Variants in PEX3 observed in about 807,000 individuals in gnomAD.
PEX3 encodes peroxisomal biogenesis factor 3.
A neutral mutation model predicts 55.8 loss-of-function variants in PEX3; 30 were observed. The observed-to-expected ratio is 0.54, with a 90% CI of 0.40 to 0.73. The LOEUF (loss-of-function observed/expected upper bound fraction) is 0.73, where lower values mean the gene tolerates loss of function less well. Ranked by LOEUF, PEX3 falls within the 30% of genes least tolerant of loss-of-function variation. PEX3 has a pLI of 0.00. For missense variants in PEX3, 351 were observed against 432.8 expected (o/e 0.81, Z 1.68); for synonymous variants, 135 against 148.4 (o/e 0.91, Z 0.66).
chr6:143,460,085 C>T (rs976109377), intron 2 of PEX3, among the ~76,000 whole-genome samples: 3 of 152,192 alleles, frequency 2.0e-5, no homozygotes, highest in Non-Finnish European at 2.9e-5. Context: ...ATTTCTCTAA[C>T]ATTCTTTCAA....
intron 9 of PEX3, among the ~76,000 whole-genome samples, chr6:143,477,255 CAGG>C (rs1780166085): frequency 6.6e-6 from 1 of 152,080 alleles, no homozygotes; most frequent in African/African-American, 2.4e-5. Context: ...ATGTGGGAGC[CAGG>C]AGATTTTGAC....
chr6:143,486,174 A>C lies in PEX3; in HGVS notation c.1038+926A>C, dbSNP rs1440507907. On this transcript the variant is annotated intron_variant, in intron 11 of 11. Coordinates refer to ENST00000367591, the MANE Select transcript of PEX3 (RefSeq NM_003630.3). The surrounding 1 kb of genome is among the most constrained non-coding windows in gnomAD (Gnocchi z 5.0). ...TCTTCTGTCCTCTTTCTCACCCCTA[A>C]GAGCTTGGCACTCATATTGCAGAAG... is the stretch of plus-strand genomic sequence containing the variant. 6.6e-6 allele frequency among the ~76,000 whole-genome samples: 1 copy of C among 152,130 alleles called. No individual in the cohort carries two copies. Among genetic ancestry groups the C allele is most frequent in the Non-Finnish European group, 1.5e-5 (1 of 67,996 alleles).
intron 4 of PEX3, 31 bp from the exon 5 acceptor site, chr6:143,470,930 A>G: frequency 1.3e-6 from 2 of 1,595,230 alleles, no homozygotes; most frequent in Non-Finnish European, 1.7e-6. Context: ...TATTAATCAC[A>G]GTACCAAATG....
intron 4 of PEX3, among the ~76,000 whole-genome samples, chr6:143,468,411 T>C (rs1471894038): frequency 6.6e-6 from 1 of 152,216 alleles, no homozygotes; most frequent in African/African-American, 2.4e-5. Context: ...TACATATGCC[T>C]TTATTAGGTA....
In PEX3 at chr6:143,451,028, C is replaced by T. The variant is rs932254986; in HGVS notation, c.-15C>T. The stretch of plus-strand genomic sequence containing the variant: ...TCCCTCACCCCTAGTCAGCCCACAC[C>T]CCTAGGGCCTAAAGATGCTGAGGTC... On this transcript the variant is annotated 5_prime_UTR_variant, in exon 1 of 12. Transcript: ENST00000367591. This position sits in a 1 kb window ranked among gnomAD's most constrained non-coding sequence, Gnocchi z 4.1. The T allele has an allele frequency of 2.5e-6, 4 of 1,597,774 alleles. No individual in the cohort carries two copies. The African/African-American group carries it at 4.0e-5, about 16-fold the overall frequency.
In PEX3 at chr6:143,455,171, A is replaced by ATTTTCTTTTCTTTTC. The variant is rs58331398; in HGVS notation, c.74-3889_74-3875dup. Among the ~76,000 whole-genome samples, 1,228 of 143,962 alleles carry ATTTTCTTTTCTTTTC rather than the reference A, an allele frequency of 8.5e-3. 35 individuals are homozygous for ATTTTCTTTTCTTTTC. Among genetic ancestry groups the ATTTTCTTTTCTTTTC allele is most frequent in the African/African-American group, 0.029 (1,082 of 37,294 alleles). The allele number at this position is 143,962 out of a possible 152,430, so 94.4% of individuals were successfully genotyped here. On this transcript the variant is annotated intron_variant, in intron 1 of 11. Coordinates refer to ENST00000367591, the MANE Select transcript of PEX3 (RefSeq NM_003630.3). ...CATGCAAGATAAGACATTTGGGGGTATTTTCTTTTCTTTTCTTTTCTTTTC... is the reference window on the plus strand; with the variant it reads ...CATGCAAGATAAGACATTTGGGGGTATTTTCTTTTCTTTTCTTTTCTTTTCTTTTCTTTTCTTTTC...
chr6:143,472,529 A>G (rs1780088508), intron 8 of PEX3, among the ~76,000 whole-genome samples: 1 of 152,138 alleles, frequency 6.6e-6, no homozygotes, highest in Non-Finnish European at 1.5e-5. Context: ...AATTTTAGAT[A>G]TTCAGTACAT....
rs1318254602 is a variant in PEX3 at position 143,453,475 on chromosome 6, G to A, written c.73+2360G>A. On this transcript the variant is annotated intron_variant, in intron 1 of 11. Coordinates refer to ENST00000367591, the MANE Select transcript of PEX3 (RefSeq NM_003630.3). This position sits in a 1 kb window ranked among gnomAD's most constrained non-coding sequence, Gnocchi z 4.6. The stretch of plus-strand genomic sequence containing the variant: ...TTGTATAATTTGACCAGTTTGGGGG[G>A]TTTGGGTGTGTTCGGGTTTTGTGTT... Among the ~76,000 whole-genome samples, 2 of 151,926 alleles carry A rather than the reference G, an allele frequency of 1.3e-5. No individual in the cohort carries two copies. The highest frequency in any genetic ancestry group is 2.4e-5 in the African/African-American group (1 of 41,364).
chr6:143,462,865 G>C lies in PEX3; in HGVS notation c.206-51G>C, dbSNP rs780437542. On this transcript the variant is annotated intron_variant, in intron 2 of 11. Transcript: ENST00000367591. This position sits in a 1 kb window ranked among gnomAD's most constrained non-coding sequence, Gnocchi z 4.1. ...TAAAACAATGCGCATTTCTTAGTGAGGGCAGTCATATCACTTGTGACCTTT... is the reference window on the plus strand; with the variant it reads ...TAAAACAATGCGCATTTCTTAGTGACGGCAGTCATATCACTTGTGACCTTT... 7.5e-7 allele frequency: 1 copy of C among 1,331,584 alleles called. No individual in the cohort carries two copies. Among genetic ancestry groups the C allele is most frequent in the East Asian group, 2.3e-5 (1 of 43,490 alleles). 82.5% of individuals were successfully genotyped at this position (1,331,584 alleles called of 1,614,324 possible). A position where few individuals can be genotyped will look rare whatever the true frequency, so the allele number is the denominator to read the frequency against.
At position 143,459,263 on chromosome 6, in the gene PEX3, G is replaced by A. The variant is rs910613604; in HGVS notation, c.205+47G>A. 3.3e-6 allele frequency: 5 copies of A among 1,533,602 alleles called. No homozygotes were observed. The highest frequency in any genetic ancestry group is 1.1e-5 in the South Asian group (1 of 89,000). The allele number at this position is 1,533,602 out of a possible 1,614,324, so 95.0% of individuals were successfully genotyped here. A position where few individuals can be genotyped will look rare whatever the true frequency, so the allele number is the denominator to read the frequency against. ...ACATGTGTAAAGTTGTTTGACGGTT[G>A]TATTAATTTGCATATCACCGGGATC... On this transcript the variant is annotated intron_variant, in intron 2 of 11. Coordinates refer to ENST00000367591, the MANE Select transcript of PEX3 (RefSeq NM_003630.3). The surrounding 1 kb of genome is among the most constrained non-coding windows in gnomAD (Gnocchi z 4.2).
In PEX3 at chr6:143,486,018, G is replaced by A. The variant is rs1780318453; in HGVS notation, c.1038+770G>A. 6.6e-6 allele frequency among the ~76,000 whole-genome samples: 1 copy of A among 152,096 alleles called. No homozygotes were observed. The highest frequency in any genetic ancestry group is 2.4e-5 in the African/African-American group (1 of 41,438). On this transcript the variant is annotated intron_variant, in intron 11 of 11. Coordinates refer to ENST00000367591, the MANE Select transcript of PEX3 (RefSeq NM_003630.3). The surrounding 1 kb of genome is among the most constrained non-coding windows in gnomAD (Gnocchi z 5.0). The stretch of plus-strand genomic sequence containing the variant: ...TGTAACTTGTCTCAGACAATTTAGT[G>A]TATCCTCTCTGTAGACTTTTTACTC...
Position 143,454,095 on chromosome 6 carries a change from A to G in PEX3, c.73+2980A>G, listed in dbSNP as rs1341652569. On this transcript the variant is annotated intron_variant, in intron 1 of 11. Coordinates refer to ENST00000367591, the MANE Select transcript of PEX3 (RefSeq NM_003630.3). This position sits in a 1 kb window ranked among gnomAD's most constrained non-coding sequence, Gnocchi z 4.3. ...CATATTAACATACATAACATTTTCA[A>G]AAAATTAATGAGTGTCATTGTTTTA... is the stretch of plus-strand genomic sequence containing the variant. Among the ~76,000 whole-genome samples, 1 of 152,214 alleles carries G rather than the reference A, an allele frequency of 6.6e-6. No individual in the cohort carries two copies. The highest frequency in any genetic ancestry group is 1.5e-5 in the Non-Finnish European group (1 of 68,034).
At chr6:143,452,471 CTT>C (rs1283854063) in intron 1 of PEX3, among the ~76,000 whole-genome samples, 2 of 152,124 alleles carry the variant, frequency 1.3e-5, no homozygotes, top group Non-Finnish European at 2.9e-5. Context: ...AAAATTATCT[CTT>C]TAGCGATCTC....
chr6:143,451,564 A>G lies in PEX3; in HGVS notation c.73+449A>G, dbSNP rs953472571. Among the ~76,000 whole-genome samples, 3 of 152,234 alleles carry G rather than the reference A, an allele frequency of 2.0e-5. No homozygotes were observed. The highest frequency in any genetic ancestry group is 7.2e-5 in the African/African-American group (3 of 41,456). ...ATAGGCTGCACTTCGGGTGGTGGTT[A>G]AAGTCGATTTGAATTTTTGAAAACA... On this transcript the variant is annotated intron_variant, in intron 1 of 11. Transcript: ENST00000367591. This position sits in a 1 kb window ranked among gnomAD's most constrained non-coding sequence, Gnocchi z 4.1.
rs377192049 is a variant in PEX3, at chr6:143,472,291, A to G, written c.710A>G (p.Tyr237Cys). ...KDGSKPLLCH[Y>C]MMPDEETPLA... Reference sequence around the variant, plus strand: ...GGATCCAAACCTTTATTATGCCATTATATGATGCCAGATGAAGAAACTCCA... The same window carrying G: ...GGATCCAAACCTTTATTATGCCATTGTATGATGCCAGATGAAGAAACTCCA... Residue 237 changes from tyrosine to cysteine, a missense_variant, in exon 8 of 12, where the codon TAT becomes TGT. Transcript: ENST00000367591. 2 of 1,609,732 alleles carry G rather than the reference A, an allele frequency of 1.2e-6. No homozygotes were observed. Among genetic ancestry groups the G allele is most frequent in the East Asian group, 2.2e-5 (1 of 44,746 alleles).
intron 4 of PEX3, among the ~76,000 whole-genome samples, chr6:143,469,689 C>T (rs1167727962): frequency 1.3e-5 from 2 of 152,176 alleles, no homozygotes; most frequent in Non-Finnish European, 2.9e-5. Context: ...AATTAGATGC[C>T]ATTTGTCCAT....
chr6:143,477,900 C>T (rs578258115), intron 9 of PEX3, among the ~76,000 whole-genome samples: 9 of 152,130 alleles, frequency 5.9e-5, no homozygotes, highest in Admixed American at 3.3e-4. Context: ...CCCAAATTAC[C>T]GTGCAACCCA....
rs1173055624 is a variant in PEX3 at position 143,458,366 on chromosome 6, A to G, written c.74-719A>G. Among the ~76,000 whole-genome samples, 1 of 152,150 alleles carries G rather than the reference A, an allele frequency of 6.6e-6. No individual in the cohort carries two copies. Among genetic ancestry groups the G allele is most frequent in the African/African-American group, 2.4e-5 (1 of 41,442 alleles). Reference sequence around the variant, plus strand: ...CTCTTTTTTTTCCAGTTAAGTTACTAATTTTTAGATGAGAGAGTTGTATTT... The same window carrying G: ...CTCTTTTTTTTCCAGTTAAGTTACTGATTTTTAGATGAGAGAGTTGTATTT... On this transcript the variant is annotated intron_variant, in intron 1 of 11. Coordinates refer to ENST00000367591, the MANE Select transcript of PEX3 (RefSeq NM_003630.3). The surrounding 1 kb of genome is among the most constrained non-coding windows in gnomAD (Gnocchi z 6.1).
Position 143,489,068 on chromosome 6 carries a change from C to A in PEX3, c.1039-75C>A. The A allele has an allele frequency of 1.0e-6, 1 of 979,858 alleles. No homozygotes were observed. The highest frequency in any genetic ancestry group is 1.6e-6 in the Non-Finnish European group (1 of 606,180). The allele number at this position is 979,858 out of a possible 1,614,324, so 60.7% of individuals were successfully genotyped here. On this transcript the variant is annotated intron_variant, in intron 11 of 11. Coordinates refer to ENST00000367591, the MANE Select transcript of PEX3 (RefSeq NM_003630.3). This position sits in a 1 kb window ranked among gnomAD's most constrained non-coding sequence, Gnocchi z 5.5. The stretch of plus-strand genomic sequence containing the variant: ...CCACAAAACTTAGAGCTGAATTCAT[C>A]GCTTGATTGCAGAAATTAATTCAAA...
Sources: gnomAD v4.1 joint callset for allele counts (sites outside exome capture counted in the v4.1 genomes callset) on GRCh38, gnomAD v4.1.1 for gene constraint, Gnocchi (gnomAD v3.1) non-coding constraint, MANE v1.5 for transcripts, NCBI Gene and HGNC (gene_info 2026-07-23, HGNC 2026-07-21) for gene names.